LYN: variants seen among roughly 807,000 people sequenced by gnomAD.
The protein encoded by LYN is LYN proto-oncogene, Src family tyrosine kinase, also known as tyrosine-protein kinase Lyn.
In LYN, 12 loss-of-function variants were observed where a neutral mutation model predicts 65.0. That is an observed-to-expected ratio of 0.18 (90% CI 0.12 to 0.30). The LOEUF (loss-of-function observed/expected upper bound fraction) is 0.30. LYN is among the 10% of genes least tolerant of loss of function. LYN has a pLI of 1.00. For missense variants in LYN, 380 were observed against 623.2 expected, an observed-to-expected ratio of 0.61 and a Z score of 4.16; for synonymous variants, 222 against 221.2, an observed-to-expected ratio of 1.00 and a Z score of -0.03.
At chr8:55,986,513 A>G (rs1379593900) in intron 10 of LYN, among the ~76,000 whole-genome samples, 2 of 152,164 alleles carry the variant, frequency 1.3e-5, no homozygotes, top group Admixed American at 6.5e-5. Flanking sequence ...TGGACACTTA[A>G]TGATTTAAAT....
At chr8:55,998,637 C>T in intron 11 of LYN, 138 bp downstream of exon 11, 2 of 721,410 alleles carry the variant, frequency 2.8e-6, no homozygotes, top group Non-Finnish European at 4.6e-6. Flanking sequence ...CCATAATTGT[C>T]TGCTTATGGT....
At chr8:56,004,222 G>A (rs182429827) in intron 12 of LYN, among the ~76,000 whole-genome samples, 3,911 of 150,790 alleles carry the variant, frequency 0.026, 89 homozygotes, top group Middle Eastern at 0.066. Context: ...GTGAGTCACC[G>A]CACCCGGCCT....
intron 10 of LYN, 54 bp from the exon 11 acceptor site, chr8:55,998,292 A>G (rs1424157262): frequency 5.1e-5 from 75 of 1,462,160 alleles, no homozygotes; most frequent in Non-Finnish European, 6.9e-5. Flanking sequence ...CCTTGATGGC[A>G]CTTTCCAGTC....
intron 1 of LYN, among the ~76,000 whole-genome samples, chr8:55,890,727 ATTTTT>A (rs59069585): frequency 7.0e-6 from 1 of 143,846 alleles, no homozygotes. Context: ...GTACATTGGA[ATTTTT>A]TTTTTTTTTT....
intron 8 of LYN, among the ~76,000 whole-genome samples, chr8:55,957,416 T>G (rs1484306111): frequency 6.6e-6 from 1 of 152,182 alleles, no homozygotes; most frequent in Non-Finnish European, 1.5e-5. Context: ...GTGTCTGTCA[T>G]GAAAAGAAAT....
At chr8:55,993,617 T>C (rs1287483319) in intron 10 of LYN, among the ~76,000 whole-genome samples, 1 of 152,208 alleles carries the variant, frequency 6.6e-6, no homozygotes, top group Admixed American at 6.5e-5. Flanking sequence ...ATCTGTACAA[T>C]GGAAGTAAAA....
intron 8 of LYN, among the ~76,000 whole-genome samples, chr8:55,956,738 A>T (rs1485973726): frequency 6.6e-6 from 1 of 152,156 alleles, no homozygotes; most frequent in African/African-American, 2.4e-5. Flanking sequence ...TCACGTCAAG[A>T]TCCAGGGACT....
intron 1 of LYN, among the ~76,000 whole-genome samples, chr8:55,926,675 G>T (rs1389952267): frequency 2.6e-5 from 4 of 152,200 alleles, no homozygotes; most frequent in Non-Finnish European, 4.4e-5. Flanking sequence ...AGACTATTGG[G>T]TGTTAAGAAG....
chr8:55,886,915 G>GTTAA (rs1189051484), intron 1 of LYN, among the ~76,000 whole-genome samples: 2 of 152,198 alleles, frequency 1.3e-5, no homozygotes, highest in Admixed American at 1.3e-4. Context: ...ATGCACAATA[G>GTTAA]TTAATGGTGA....
intron 6 of LYN, among the ~76,000 whole-genome samples, chr8:55,951,484 G>A (rs1806946193): frequency 1.3e-5 from 2 of 152,040 alleles, no homozygotes; most frequent in African/African-American, 2.4e-5. Flanking sequence ...GGGCAACATA[G>A]CAAGAGCCTG....
Position 56,010,794 on chromosome 8 carries a change from G to A in LYN, c.*684G>A. 4.3e-6 allele frequency: 1 copy of A among 230,538 alleles called. No homozygotes were observed. The allele number at this position is 230,538 out of a possible 1,614,324, so 14.3% of individuals were successfully genotyped here. On this transcript the variant is annotated 3_prime_UTR_variant, in exon 13 of 13. Coordinates refer to ENST00000519728, the MANE Select transcript of LYN (RefSeq NM_002350.4). ...TCCAGCAGGAGGAGCCCGTGAGCAC[G>A]CACAGCTGCCCTGTCTGCTCACCCG...
At chr8:55,884,489 T>C (rs577137591) in intron 1 of LYN, among the ~76,000 whole-genome samples, 1 of 152,096 alleles carries the variant, frequency 6.6e-6, no homozygotes, top group Non-Finnish European at 1.5e-5. Context: ...CAGAGTTCGC[T>C]CTTGTCACCC....
At chr8:55,900,030 A>T (rs962445565) in intron 1 of LYN, among the ~76,000 whole-genome samples, 2 of 152,180 alleles carry the variant, frequency 1.3e-5, no homozygotes, top group Admixed American at 6.6e-5. Flanking sequence ...TGGGCCTAGG[A>T]TGTTTAGCTC....
chr8:55,951,181 T>A (rs1346305391), intron 6 of LYN, among the ~76,000 whole-genome samples: 5 of 151,758 alleles, frequency 3.3e-5, no homozygotes, highest in African/African-American at 7.3e-5. Flanking sequence ...GAAGGGAGGC[T>A]GCAGTGAGCC....
intron 10 of LYN, among the ~76,000 whole-genome samples, chr8:55,970,708 A>C (rs111300731): frequency 3.9e-4 from 60 of 152,066 alleles, no homozygotes; most frequent in African/African-American, 1.3e-3. Context: ...GAGGTGAAGC[A>C]CCTCACCTAA....
intron 12 of LYN, among the ~76,000 whole-genome samples, chr8:56,001,491 G>T (rs1208293164): frequency 6.6e-6 from 1 of 152,176 alleles, no homozygotes; most frequent in Admixed American, 6.5e-5. Flanking sequence ...AGAAACTGGG[G>T]CAGGGACCAG....
chr8:55,995,048 A>G (rs1347991364), intron 10 of LYN, among the ~76,000 whole-genome samples: 1 of 152,180 alleles, frequency 6.6e-6, no homozygotes, highest in Non-Finnish European at 1.5e-5. Flanking sequence ...TTGGGTTACC[A>G]GCAGACAAAA....
At chr8:55,885,309 G>A (rs1051623131) in intron 1 of LYN, among the ~76,000 whole-genome samples, 4 of 152,224 alleles carry the variant, frequency 2.6e-5, no homozygotes, top group Non-Finnish European at 5.9e-5. Flanking sequence ...AGTCTTCACA[G>A]CTCAGATAGT....
At chr8:55,890,056 T>A (rs1487066959) in intron 1 of LYN, among the ~76,000 whole-genome samples, 1 of 144,572 alleles carries the variant, frequency 6.9e-6, no homozygotes, top group Non-Finnish European at 1.5e-5. Context: ...ACAGGTGGAT[T>A]GCTTGAAGCC....
Sources: gnomAD v4.1 joint callset for allele counts (sites outside exome capture counted in the v4.1 genomes callset) on GRCh38, gnomAD v4.1.1 for gene constraint, MANE v1.5 for transcripts, NCBI Gene and HGNC (gene_info 2026-07-23, HGNC 2026-07-21) for gene names.